Variants in MCPH1 observed in about 807,000 individuals in gnomAD.
MCPH1 encodes the protein microcephalin 1.
MCPH1 carries 104 observed loss-of-function variants against 84.5 expected under a neutral mutation model. That is an observed-to-expected ratio of 1.23 (90% CI 1.05 to 1.45). The LOEUF (loss-of-function observed/expected upper bound fraction) is 1.45, where lower values mean the gene tolerates loss of function less well. Among genes scored for constraint, MCPH1 ranks in the 40% most tolerant of loss-of-function variants. The pLI is 0.00. For missense variants in MCPH1, 1,498 were observed against 1,005.7 expected, an observed-to-expected ratio of 1.49 and a Z score of -6.62; for synonymous variants, 514 against 366.8, an observed-to-expected ratio of 1.40 and a Z score of -4.58.
At chr8:6,421,867 C>T (rs1419262540) in intron 3 of MCPH1, among the ~76,000 whole-genome samples, 2 of 152,048 alleles carry the variant, frequency 1.3e-5, no homozygotes, top group Admixed American at 6.6e-5. Context: ...TGGGCTTCCA[C>T]GTCCCCAAGG....
At chr8:6,427,568 G>A (rs1409811521) in intron 3 of MCPH1, among the ~76,000 whole-genome samples, 3 of 151,714 alleles carry the variant, frequency 2.0e-5, no homozygotes, top group East Asian at 1.9e-4. Context: ...TTGTAGAGAC[G>A]GCATTCTTGC....
chr8:6,474,153 T>C, intron 9 of MCPH1: 1 of 752,828 alleles, frequency 1.3e-6, no homozygotes, highest in Non-Finnish European at 2.5e-6. Context: ...CCACATTCTC[T>C]CATTTGGTTA....
intron 8 of MCPH1, among the ~76,000 whole-genome samples, chr8:6,449,837 C>T (rs1804882727): frequency 6.6e-6 from 1 of 152,090 alleles, no homozygotes; most frequent in African/African-American, 2.4e-5. Context: ...TTAGCACTGC[C>T]AATCACAGCT....
intron 10 of MCPH1, among the ~76,000 whole-genome samples, chr8:6,479,719 A>C (rs1241337837): frequency 6.6e-6 from 1 of 152,204 alleles, no homozygotes; most frequent in Non-Finnish European, 1.5e-5. Flanking sequence ...GAGAAAACTA[A>C]TGTCAGAACT....
chr8:6,446,584 C>T, intron 8 of MCPH1: 1 of 980,730 alleles, frequency 1.0e-6, no homozygotes, highest in Non-Finnish European at 1.2e-6. Context: ...GTTCCATTAG[C>T]CTTAGTATGT....
chr8:6,467,798 G>T (rs1435014356), intron 9 of MCPH1, among the ~76,000 whole-genome samples: 1 of 152,084 alleles, frequency 6.6e-6, no homozygotes, highest in Non-Finnish European at 1.5e-5. Flanking sequence ...GGATTTGGCT[G>T]TGTTGACCAG....
At chr8:6,602,977 G>A (rs1829487878) in intron 12 of MCPH1, among the ~76,000 whole-genome samples, 1 of 151,550 alleles carries the variant, frequency 6.6e-6, no homozygotes, top group Non-Finnish European at 1.5e-5. Context: ...GCCCTTGAGT[G>A]TGCATCCGTG....
In MCPH1 at chr8:6,512,201, T is replaced by C. The variant is rs141507601; in HGVS notation, c.2214+12272T>C. Among the ~76,000 whole-genome samples, 196 of 152,336 alleles carry C rather than the reference T, an allele frequency of 1.3e-3. 6 individuals are homozygous for C. The East Asian group carries it at 0.029, about 23-fold the overall frequency. On this transcript the variant is annotated intron_variant, in intron 12 of 13. Coordinates refer to ENST00000344683, the MANE Select transcript of MCPH1 (RefSeq NM_024596.5). ...GTTTCTCAAACATGCTTCTGAATTT[T>C]CATCCACTGTTTGTACAGCAGGACA...
rs55900711 is a variant in MCPH1, at chr8:6,527,087, G to T, written c.2214+27158G>T. 6.4e-3 allele frequency among the ~76,000 whole-genome samples: 981 copies of T among 152,310 alleles called. 8 individuals are homozygous for T. The highest frequency in any genetic ancestry group is 0.023 in the African/African-American group (945 of 41,566). ...TGAAGCTAAGTCCCCAAGGGCAAAG[G>T]ATCTTGGTCAAGTTAATACTGAAAT... On this transcript the variant is annotated intron_variant, in intron 12 of 13. Coordinates refer to ENST00000344683, the MANE Select transcript of MCPH1 (RefSeq NM_024596.5).
At chr8:6,551,839 C>T (rs538317403) in intron 12 of MCPH1, among the ~76,000 whole-genome samples, 2 of 152,248 alleles carry the variant, frequency 1.3e-5, no homozygotes, top group East Asian at 1.9e-4. Flanking sequence ...CGTACTTTCT[C>T]GAGCAGAATT....
At chr8:6,421,351 A>C (rs1364652524) in intron 3 of MCPH1, among the ~76,000 whole-genome samples, 1 of 152,128 alleles carries the variant, frequency 6.6e-6, no homozygotes, top group Non-Finnish European at 1.5e-5. Context: ...TGGGTGGTAG[A>C]GGCCTCTCCT....
intron 12 of MCPH1, among the ~76,000 whole-genome samples, chr8:6,620,606 A>T (rs1831310826): frequency 6.6e-6 from 1 of 152,202 alleles, no homozygotes; most frequent in Non-Finnish European, 1.5e-5. Flanking sequence ...TGAACCATTA[A>T]TTTCAGATAT....
intron 12 of MCPH1, among the ~76,000 whole-genome samples, chr8:6,510,932 C>A (rs1192746655): frequency 6.6e-6 from 1 of 152,172 alleles, no homozygotes; most frequent in Non-Finnish European, 1.5e-5. Flanking sequence ...TCTCTAAATG[C>A]CTGCTGCAAA....
chr8:6,609,326 C>T (rs147191866), intron 12 of MCPH1, among the ~76,000 whole-genome samples: 9 of 152,320 alleles, frequency 5.9e-5, no homozygotes, highest in African/African-American at 2.2e-4. Context: ...CAGAAACCTA[C>T]CGCGTTCGAG....
chr8:6,621,015 C>T (rs2129580652), intron 12 of MCPH1: 2 of 238,170 alleles, frequency 8.4e-6, no homozygotes, highest in Non-Finnish European at 1.7e-5. Context: ...CCTTTTCTGC[C>T]AACAGCCTGG....
intron 11 of MCPH1, among the ~76,000 whole-genome samples, chr8:6,495,496 A>C (rs150207092): frequency 6.6e-6 from 1 of 152,354 alleles, no homozygotes; most frequent in East Asian, 1.9e-4. Context: ...AACTCTCATA[A>C]ATGTTGTTTG....
intron 12 of MCPH1, among the ~76,000 whole-genome samples, chr8:6,591,620 G>A (rs1828465171): frequency 6.6e-6 from 1 of 152,182 alleles, no homozygotes; most frequent in East Asian, 1.9e-4. Context: ...TGTGGGTTGG[G>A]TGAGGTACCG....
intron 12 of MCPH1, 74 bp from the exon 13 acceptor site, chr8:6,621,380 C>G: frequency 6.4e-7 from 1 of 1,568,056 alleles, no homozygotes; most frequent in East Asian, 2.2e-5. Flanking sequence ...AGGAAGTAAA[C>G]TGCAACAGTT....
intron 10 of MCPH1, among the ~76,000 whole-genome samples, chr8:6,479,250 G>C (rs920292162): frequency 2.0e-5 from 3 of 151,654 alleles, no homozygotes; most frequent in Non-Finnish European, 4.4e-5. Flanking sequence ...CTGGGCAACA[G>C]AGTGAGACCC....
Sources: allele counts gnomAD v4.1 joint callset (sites outside exome capture counted in the v4.1 genomes callset), GRCh38; gene constraint gnomAD v4.1.1; transcripts MANE v1.5; gene names NCBI Gene and HGNC (gene_info 2026-07-23, HGNC 2026-07-21).